Variants in RGPD5 observed in about 807,000 individuals in gnomAD.
The protein encoded by RGPD5 is RANBP2-like and GRIP domain-containing protein 5/6.
At chr2:109,765,487 A>C in the RGPD5 span, among the ~76,000 whole-genome samples, 2 of 150,296 alleles carry the variant, frequency 1.3e-5, no homozygotes, top group African/African-American at 2.4e-5. Flanking sequence ...ACTTAATAGG[A>C]GAATAAGCCA....
the RGPD5 span, among the ~76,000 whole-genome samples, chr2:109,778,466 G>T: frequency 6.7e-6 from 1 of 149,880 alleles, no homozygotes; most frequent in Non-Finnish European, 1.5e-5. Flanking sequence ...TGATTTTCTT[G>T]TTAAGAAGGT....
At chr2:109,763,285 C>T in the RGPD5 span, among the ~76,000 whole-genome samples, 10 of 150,406 alleles carry the variant, frequency 6.6e-5, no homozygotes, top group African/African-American at 2.4e-4. Flanking sequence ...TGTTTTAGCT[C>T]ATTTAATTAT....
the RGPD5 span, among the ~76,000 whole-genome samples, chr2:109,777,276 G>A: frequency 6.7e-6 from 1 of 148,678 alleles, no homozygotes; most frequent in Non-Finnish European, 1.5e-5. Context: ...TTTGTCAAAG[G>A]CTTTTCTACA....
the RGPD5 span, among the ~76,000 whole-genome samples, chr2:109,774,561 G>T: frequency 1.1e-4 from 7 of 66,298 alleles, no homozygotes; most frequent in Admixed American, 1.9e-4. Flanking sequence ...ATATATATAT[G>T]TATGTAAATG....
the RGPD5 span, among the ~76,000 whole-genome samples, chr2:109,764,293 T>G: frequency 2.7e-5 from 4 of 147,336 alleles, no homozygotes; most frequent in Admixed American, 7.1e-5. Flanking sequence ...GCAGCAGATA[T>G]GCAGAGGCGC....
chr2:109,763,570 AAGAG>A, the RGPD5 span, among the ~76,000 whole-genome samples: 25 of 150,084 alleles, frequency 1.7e-4, 3 homozygotes, highest in African/African-American at 5.9e-4. Context: ...TAAAATAACA[AAGAG>A]AGAGAGCCCT....
At chr2:109,799,257 G>C (rs1380924496) in intron 1 of RGPD5, among the ~76,000 whole-genome samples, 4 of 137,318 alleles carry the variant, frequency 2.9e-5, no homozygotes, top group Admixed American at 7.2e-5. Flanking sequence ...AAAAAAAAAG[G>C]AAGGGGGGAA....
the RGPD5 span, among the ~76,000 whole-genome samples, chr2:109,764,095 A>C: frequency 6.7e-6 from 1 of 148,422 alleles, no homozygotes; most frequent in Non-Finnish European, 1.5e-5. Context: ...GGCTGTTTCA[A>C]CTTTTTCAGC....
the RGPD5 span, among the ~76,000 whole-genome samples, chr2:109,761,792 ACT>A: frequency 6.9e-6 from 1 of 143,942 alleles, no homozygotes; most frequent in African/African-American, 2.6e-5. Flanking sequence ...TATTAACTGC[ACT>A]CTGTTCTGCC....
At chr2:109,765,930 A>G in the RGPD5 span, among the ~76,000 whole-genome samples, 3 of 150,160 alleles carry the variant, frequency 2.0e-5, no homozygotes, top group African/African-American at 7.4e-5. Flanking sequence ...AGGTGCCTCT[A>G]CCCTTTCCTC....
At chr2:109,779,072 G>GGCAAACCAGA in the RGPD5 span, among the ~76,000 whole-genome samples, 15 of 139,032 alleles carry the variant, frequency 1.1e-4, no homozygotes, top group Admixed American at 6.3e-4. Context: ...GCTTTCTGTG[G>GGCAAACCAGA]TTTCCTTAAC....
the RGPD5 span, among the ~76,000 whole-genome samples, chr2:109,766,667 T>C: frequency 6.7e-6 from 1 of 148,222 alleles, no homozygotes; most frequent in African/African-American, 2.5e-5. Context: ...CTTGAGCAAC[T>C]TGAACAAAGA....
the RGPD5 span, among the ~76,000 whole-genome samples, chr2:109,761,803 C>T: frequency 6.8e-6 from 1 of 147,716 alleles, no homozygotes; most frequent in African/African-American, 2.5e-5. Context: ...CTCTGTTCTG[C>T]CTCTGGTAAT....
chr2:109,765,385 TC>T, the RGPD5 span, among the ~76,000 whole-genome samples: 1 of 150,522 alleles, frequency 6.6e-6, no homozygotes, highest in African/African-American at 2.4e-5. Flanking sequence ...TCTTTCTCTT[TC>T]TTTTTTTTAA....
the RGPD5 span, among the ~76,000 whole-genome samples, chr2:109,766,141 G>A: frequency 3.3e-5 from 5 of 150,848 alleles, no homozygotes; most frequent in Non-Finnish European, 5.9e-5. Context: ...AGTTGACTGC[G>A]TGGCTCTCAT....
the RGPD5 span, among the ~76,000 whole-genome samples, chr2:109,763,051 T>C: frequency 6.7e-6 from 1 of 149,874 alleles, no homozygotes. Context: ...TTGAGAACTT[T>C]CTGTGTGTCC....
the RGPD5 span, among the ~76,000 whole-genome samples, chr2:109,761,392 C>T: frequency 6.6e-6 from 1 of 150,934 alleles, no homozygotes; most frequent in Non-Finnish European, 1.5e-5. Context: ...CACAGTTCCT[C>T]TGGGCCCTTT....
At chr2:109,766,340 T>G in the RGPD5 span, among the ~76,000 whole-genome samples, 5 of 120,566 alleles carry the variant, frequency 4.1e-5, no homozygotes, top group Middle Eastern at 3.7e-3. Context: ...GCTCAGCCCT[T>G]GTGTGGGGCG....
the RGPD5 span, among the ~76,000 whole-genome samples, chr2:109,774,503 T>TATATATATATATATA: frequency 1.8e-3 from 1 of 568 alleles, no homozygotes; most frequent in Admixed American, 0.036. Flanking sequence ...AACAAACATA[T>TATATATATATATATA]ATATATATAT....
Sources: allele counts gnomAD v4.1 joint callset (sites outside exome capture counted in the v4.1 genomes callset), GRCh38; gene constraint gnomAD v4.1.1; transcripts MANE v1.5; gene names NCBI Gene and HGNC (gene_info 2026-07-23, HGNC 2026-07-21).